The following DAO variants were observed in gnomAD, a reference collection of about 807,000 sequenced individuals.
The protein encoded by DAO is D-amino-acid oxidase.
In DAO, 51 loss-of-function variants were observed where a neutral mutation model predicts 50.1. The ratio of observed to expected loss-of-function variants is 1.02; its 90% CI spans 0.81 to 1.29. DAO has a LOEUF of 1.29. Ranked by LOEUF, DAO falls within the 50% of genes most tolerant of loss-of-function variation. DAO has a pLI of 0.00. For missense variants in DAO, 436 were observed against 439.4 expected (o/e 0.99, Z 0.07); for synonymous variants, 160 against 166.2 (o/e 0.96, Z 0.29).
chr12:108,894,603 A>G (rs902036461), intron 7 of DAO, among the ~76,000 whole-genome samples: 1 of 152,216 alleles, frequency 6.6e-6, no homozygotes, highest in Non-Finnish European at 1.5e-5. Flanking sequence ...GGAGCAGCAT[A>G]TGCCTGTATT....
At chr12:108,880,322 A>G (rs1215417424) in intron 1 of DAO, 98 bp downstream of exon 1, 11 of 357,136 alleles carry the variant, frequency 3.1e-5, no homozygotes, top group East Asian at 1.5e-4. Flanking sequence ...AGGGCTCAAC[A>G]TTACAGCCTA....
chr12:108,893,080 G>C, intron 6 of DAO, 44 bp downstream of exon 6: 1 of 1,582,122 alleles, frequency 6.3e-7, no homozygotes, highest in South Asian at 1.1e-5. Context: ...GGGAGAAGAG[G>C]GGAGGCCTCT....
intron 1 of DAO, among the ~76,000 whole-genome samples, chr12:108,881,579 A>T (rs1448554833): frequency 6.8e-6 from 1 of 147,502 alleles, no homozygotes; most frequent in Non-Finnish European, 1.5e-5. Context: ...TTGACTTAGG[A>T]CTCACACTTT....
At chr12:108,899,768 G>C in intron 10 of DAO, 1 of 466,036 alleles carries the variant, frequency 2.1e-6, no homozygotes, top group Non-Finnish European at 4.0e-6. Flanking sequence ...GGTGCTGATG[G>C]AAATGACACT....
chr12:108,887,563 C>T lies in DAO; in HGVS notation c.308C>T (p.Pro103Leu), dbSNP rs200127576. 436 of 1,608,860 alleles carry T rather than the reference C, an allele frequency of 2.7e-4. 1 individual carries two copies. The East Asian group carries it at 3.1e-3, about 12-fold the overall frequency. ...SGYNLFHEAIPDPSWKDTVLG... is the reference protein window; with the variant it reads ...SGYNLFHEAILDPSWKDTVLG... The stretch of plus-strand genomic sequence containing the variant: ...TACAACCTCTTCCATGAAGCCATTC[C>T]GGTGGGTGAACAGTTCTTGACCATG... The change falls in exon 3 of 11, where the codon CCG becomes CTG. Residue 103 changes from proline (P) to leucine (L), a missense_variant and splice_region_variant. By Grantham distance (98) the Pro-to-Leu change is moderately conservative. Transcript: ENST00000228476.
chr12:108,894,474 A>C, intron 7 of DAO, 107 bp downstream of exon 7: 2 of 925,448 alleles, frequency 2.2e-6, no homozygotes, highest in South Asian at 2.8e-5. Flanking sequence ...TGTTAGAGGA[A>C]CCCCCCGGAC....
chr12:108,900,490 C>G lies in DAO; in HGVS notation c.999C>G (p.Ile333Met). Residue 333 changes from isoleucine (I) to methionine (M), a missense_variant, in exon 11 of 11, where the codon ATC becomes ATG. By Grantham distance (10) the Ile-to-Met change is conservative (BLOSUM62 1). Coordinates refer to ENST00000228476, the MANE Select transcript of DAO (RefSeq NM_001917.5). ...AGGCAGCCAAGCTCTTTGGGAGAATCCTGGAAGAAAAGAAATTGTCCAGAA... is the reference window on the plus strand; with the variant it reads ...AGGCAGCCAAGCTCTTTGGGAGAATGCTGGAAGAAAAGAAATTGTCCAGAA... ...ALEAAKLFGR[I>M]LEEKKLSRMP... is the part of the protein sequence containing the mutation. The G allele has an allele frequency of 6.2e-7, 1 of 1,614,150 alleles. No homozygotes were observed.
intron 7 of DAO, 71 bp from the exon 8 acceptor site, chr12:108,896,935 C>T: frequency 8.6e-7 from 1 of 1,159,862 alleles, no homozygotes; most frequent in South Asian, 1.2e-5. Flanking sequence ...GACATCTGGC[C>T]ACAGAGGGGA....
intron 7 of DAO, among the ~76,000 whole-genome samples, chr12:108,896,654 AG>A (rs1566039649): frequency 6.6e-6 from 1 of 152,034 alleles, no homozygotes. Flanking sequence ...CTCAGCTCCA[AG>A]GTTTCTCTGG....
At chr12:108,887,876 G>C (rs554004337) in intron 3 of DAO, among the ~76,000 whole-genome samples, 29 of 152,256 alleles carry the variant, frequency 1.9e-4, no homozygotes, top group African/African-American at 6.7e-4. Flanking sequence ...AAGCCAAAAG[G>C]TTTCAAGTGC....
chr12:108,895,494 TG>T (rs1364023899), intron 7 of DAO, among the ~76,000 whole-genome samples: 5 of 136,976 alleles, frequency 3.7e-5, no homozygotes, highest in Non-Finnish European at 7.7e-5. Context: ...TGAGGGTGTA[TG>T]TGCATATGTG....
At chr12:108,896,419 CAAAAAAAAA>C (rs386377704) in intron 7 of DAO, among the ~76,000 whole-genome samples, 22 of 59,562 alleles carry the variant, frequency 3.7e-4, no homozygotes, top group Non-Finnish European at 5.3e-4. Flanking sequence ...GAGGCTGTCT[CAAAAAAAAA>C]AAAAAAAAAA....
chr12:108,894,162 G>T, intron 6 of DAO, 101 bp from the exon 7 acceptor site: 4 of 903,244 alleles, frequency 4.4e-6, no homozygotes, highest in Middle Eastern at 3.1e-4. Flanking sequence ...TGTTCATCAG[G>T]GAGTAGACAG....
At position 108,880,123 on chromosome 12, in the gene DAO, T is replaced by C. The variant is rs1356641377; in HGVS notation, c.-111T>C. The C allele has an allele frequency of 2.2e-6, 1 of 456,512 alleles. No individual in the cohort carries two copies. The highest frequency in any genetic ancestry group is 2.0e-5 in the African/African-American group (1 of 50,030). 28.3% of individuals were successfully genotyped at this position (456,512 alleles called of 1,614,324 possible). ...CAGTCCGGGCTGGCGGACAGAGGGCTGGAAACAAGACGCTCCAGAATCAGG... is the reference window on the plus strand; with the variant it reads ...CAGTCCGGGCTGGCGGACAGAGGGCCGGAAACAAGACGCTCCAGAATCAGG... On this transcript the variant is annotated 5_prime_UTR_variant, in exon 1 of 11. Transcript: ENST00000228476.
intron 9 of DAO, 108 bp from the exon 10 acceptor site, chr12:108,899,269 A>G: frequency 1.3e-6 from 1 of 742,456 alleles, no homozygotes; most frequent in East Asian, 2.7e-5. Context: ...GACTGTGATT[A>G]TATTAGTGGT....
chr12:108,894,223 C>A, intron 6 of DAO, 40 bp from the exon 7 acceptor site: 1 of 1,497,218 alleles, frequency 6.7e-7, no homozygotes, highest in African/African-American at 1.4e-5. Context: ...CAGGGTCTTC[C>A]CCACCTTTCA....
chr12:108,896,581 A>G (rs1359792217), intron 7 of DAO, among the ~76,000 whole-genome samples: 1 of 152,010 alleles, frequency 6.6e-6, no homozygotes, highest in East Asian at 1.9e-4. Flanking sequence ...AACTTTGGTC[A>G]GGTCATTGAG....
At chr12:108,889,374 T>C in intron 3 of DAO, 95 bp from the exon 4 acceptor site, 2 of 796,912 alleles carry the variant, frequency 2.5e-6, no homozygotes, top group Non-Finnish European at 4.3e-6. Flanking sequence ...CTTCCCAAAG[T>C]GCTGGGATTA....
At chr12:108,881,609 T>TTTC (rs2039381907) in intron 1 of DAO, among the ~76,000 whole-genome samples, 2 of 148,734 alleles carry the variant, frequency 1.3e-5, no homozygotes, top group African/African-American at 2.5e-5. Flanking sequence ...AAATTTTTTT[T>TTTC]TTTTTTTTTT....
Sources: gnomAD v4.1 joint callset for allele counts (sites outside exome capture counted in the v4.1 genomes callset) on GRCh38, gnomAD v4.1.1 for gene constraint, MANE v1.5 for transcripts, NCBI Gene and HGNC (gene_info 2026-07-23, HGNC 2026-07-21) for gene names.